LINGO2: variants seen among roughly 807,000 people sequenced by gnomAD.
The protein encoded by LINGO2 is leucine-rich repeat and immunoglobulin-like domain-containing nogo receptor-interacting protein 2.
A neutral mutation model predicts 30.6 loss-of-function variants in LINGO2; 14 were observed. The observed-to-expected ratio is 0.46, with a 90% CI of 0.30 to 0.72. LINGO2 has a LOEUF of 0.72. Among genes scored for constraint, LINGO2 ranks in the 30% least tolerant of loss-of-function variants. LINGO2 has a pLI of 0.07. For synonymous variants in LINGO2, 317 were observed against 288.5 expected (o/e 1.10, Z -1.00); for missense variants, 729 against 751.7 (o/e 0.97, Z 0.35).
At chr9:28,482,213 T>C (rs954142331) in intron 1 of LINGO2, among the ~76,000 whole-genome samples, 2 of 151,906 alleles carry the variant, frequency 1.3e-5, no homozygotes, top group Non-Finnish European at 2.9e-5. Flanking sequence ...ACTTCCACAA[T>C]GGTTGAACTA....
chr9:28,470,252 A>G (rs184068796), intron 2 of LINGO2, among the ~76,000 whole-genome samples: 1 of 152,356 alleles, frequency 6.6e-6, no homozygotes, highest in East Asian at 1.9e-4. Context: ...ATTTGTTGTC[A>G]TATATTTTAC....
At chr9:28,598,848 G>T (rs1825333360) in intron 1 of LINGO2, 2 of 152,158 alleles carry the variant, frequency 1.3e-5, no homozygotes. Context: ...GATGATGGAG[G>T]TATAACAAAA....
At chr9:29,189,725 G>A in the LINGO2 span, among the ~76,000 whole-genome samples, 1 of 152,190 alleles carries the variant, frequency 6.6e-6, no homozygotes, top group African/African-American at 2.4e-5. Context: ...GGGCACGGTT[G>A]AGCACTGAGT....
At chr9:28,282,227 A>G (rs2134131657) in intron 4 of LINGO2, among the ~76,000 whole-genome samples, 1 of 152,268 alleles carries the variant, frequency 6.6e-6, no homozygotes, top group Non-Finnish European at 1.5e-5. Context: ...CATGTTGACT[A>G]GAATGAGTTA....
chr9:28,333,976 C>T (rs1424423504), intron 3 of LINGO2, among the ~76,000 whole-genome samples: 1 of 152,150 alleles, frequency 6.6e-6, no homozygotes, highest in African/African-American at 2.4e-5. Flanking sequence ...GGCACAGTAA[C>T]ATTAGCAAAA....
chr9:28,625,905 G>A (rs763841350), intron 1 of LINGO2, among the ~76,000 whole-genome samples: 1 of 151,988 alleles, frequency 6.6e-6, no homozygotes, highest in Non-Finnish European at 1.5e-5. Context: ...ATCTACACAA[G>A]TATTTGTGAA....
At chr9:29,131,322 A>C in the LINGO2 span, among the ~76,000 whole-genome samples, 1 of 152,082 alleles carries the variant, frequency 6.6e-6, no homozygotes, top group Admixed American at 6.6e-5. Flanking sequence ...TTTACAACAG[A>C]GTTTCACTTT....
chr9:28,045,192 A>T (rs1824363790), intron 4 of LINGO2, among the ~76,000 whole-genome samples: 1 of 152,096 alleles, frequency 6.6e-6, no homozygotes, highest in East Asian at 1.9e-4. Context: ...ACACACACAC[A>T]AACTACAGAT....
chr9:28,683,113 T>C, the LINGO2 span, among the ~76,000 whole-genome samples: 2 of 152,284 alleles, frequency 1.3e-5, no homozygotes, highest in East Asian at 3.9e-4. Flanking sequence ...TTTTTGCTTG[T>C]ATTTATATGT....
chr9:28,668,149 T>C (rs1490011402), intron 1 of LINGO2, among the ~76,000 whole-genome samples: 1 of 152,156 alleles, frequency 6.6e-6, no homozygotes, highest in African/African-American at 2.4e-5. Context: ...ATAAAGACCT[T>C]TATTTTTCTT....
At chr9:28,818,354 C>A in the LINGO2 span, among the ~76,000 whole-genome samples, 3,771 of 152,176 alleles carry the variant, frequency 0.025, 134 homozygotes, top group African/African-American at 0.086. Context: ...ACCATATTAA[C>A]TTTTCCTTCT....
the LINGO2 span, among the ~76,000 whole-genome samples, chr9:29,075,457 T>A: frequency 3.3e-4 from 51 of 152,294 alleles, no homozygotes; most frequent in Non-Finnish European, 3.5e-4. Flanking sequence ...TTAATTTTTT[T>A]AATTTGGTAC....
chr9:28,165,991 A>G (rs1430049831), intron 4 of LINGO2, among the ~76,000 whole-genome samples: 2 of 152,222 alleles, frequency 1.3e-5, no homozygotes, highest in South Asian at 2.1e-4. Context: ...CATCAATAAT[A>G]TACCCTCTAC....
At chr9:28,162,247 T>G (rs1286722079) in intron 4 of LINGO2, among the ~76,000 whole-genome samples, 4 of 152,140 alleles carry the variant, frequency 2.6e-5, no homozygotes, top group African/African-American at 4.8e-5. Context: ...CAGGGGCCAT[T>G]TCAGTCACGA....
At chr9:28,749,310 C>G in the LINGO2 span, among the ~76,000 whole-genome samples, 6 of 152,064 alleles carry the variant, frequency 3.9e-5, no homozygotes, top group African/African-American at 1.2e-4. Context: ...TCTTATGAAA[C>G]CATCTCTAGC....
In LINGO2 at chr9:28,512,591, GTGTATA is replaced by G. The variant is rs1272442118; in HGVS notation, c.-364-36572_-364-36567del. ...GACAGAACTAACAGGATATATATGT[GTGTATA>G]TATATATATATATATATATATATAT... On this transcript the variant is annotated intron_variant, in intron 1 of 5. Coordinates refer to ENST00000379992, the Ensembl canonical transcript of LINGO2. Among the ~76,000 whole-genome samples the G allele has an allele frequency of 7.4e-3, 117 of 15,814 alleles. 2 individuals carry two copies. The highest frequency in any genetic ancestry group is 0.025 in the Admixed American group (32 of 1,268). 10.4% of individuals were successfully genotyped at this position (15,814 alleles called of 152,430 possible). A position where few individuals can be genotyped will look rare whatever the true frequency, so the allele number is the denominator to read the frequency against.
intron 1 of LINGO2, among the ~76,000 whole-genome samples, chr9:28,619,989 C>G (rs960427117): frequency 2.2e-5 from 3 of 134,540 alleles, no homozygotes; most frequent in African/African-American, 7.6e-5. Flanking sequence ...CCATTAAACT[C>G]ACTCTAAAAA....
chr9:28,625,919 A>G (rs1194422646), intron 1 of LINGO2, among the ~76,000 whole-genome samples: 2 of 152,156 alleles, frequency 1.3e-5, no homozygotes, highest in Non-Finnish European at 2.9e-5. Context: ...TTGTGAAGAC[A>G]TACACTTTGA....
chr9:28,140,848 C>G (rs1040969720), intron 4 of LINGO2, among the ~76,000 whole-genome samples: 1 of 152,018 alleles, frequency 6.6e-6, no homozygotes, highest in Non-Finnish European at 1.5e-5. Flanking sequence ...GGTCTTGGCA[C>G]AAGATACTAA....
Sources: gnomAD v4.1 joint callset for allele counts (sites outside exome capture counted in the v4.1 genomes callset) on GRCh38, gnomAD v4.1.1 for gene constraint, MANE v1.5 for transcripts, NCBI Gene and HGNC (gene_info 2026-07-23, HGNC 2026-07-21) for gene names.